Variants in CRAMP1 observed in about 807,000 individuals in gnomAD.
The protein encoded by CRAMP1 is cramped chromatin regulator 1, also known as protein cramped-like.
A neutral mutation model predicts 115.4 loss-of-function variants in CRAMP1; 50 were observed. The observed-to-expected ratio is 0.43, with a 90% CI of 0.35 to 0.55. The LOEUF (loss-of-function observed/expected upper bound fraction) is 0.55. Ranked by LOEUF, CRAMP1 falls within the 20% of genes least tolerant of loss-of-function variation. CRAMP1 has a pLI of 0.01. For synonymous variants in CRAMP1, 866 were observed against 745.4 expected (o/e 1.16, Z -2.64); for missense variants, 1,679 against 1,721.7 (o/e 0.98, Z 0.44).
In CRAMP1 at chr16:1,666,879, G is replaced by C. The variant is rs1045842934; in HGVS notation, c.3036+279G>C. 6.6e-6 allele frequency among the ~76,000 whole-genome samples: 1 copy of C among 152,256 alleles called. No homozygotes were observed. ...TCCATCTGAGAGTGACCATAACCAAGGTGGCAGCCCACAGCGCTGTGCTCG... is the reference window on the plus strand; with the variant it reads ...TCCATCTGAGAGTGACCATAACCAACGTGGCAGCCCACAGCGCTGTGCTCG... On this transcript the variant is annotated intron_variant, in intron 16 of 20. Transcript: ENST00000397412. The surrounding 1 kb of genome is among the most constrained non-coding windows in gnomAD (Gnocchi z 5.0).
At position 1,667,998 on chromosome 16, in the gene CRAMP1, G is replaced by T. The variant is rs1053582606; in HGVS notation, c.3139G>T (p.Ala1047Ser). The change falls in exon 18 of 21, where the codon GCC becomes TCC. Residue 1047 changes from alanine (A) to serine (S), a missense_variant. By Grantham distance (99) the Ala-to-Ser change is moderately conservative (BLOSUM62 1). Coordinates refer to ENST00000397412, the MANE Select transcript of CRAMP1 (RefSeq NM_020825.4). ...TCTCTCCTTATCTGAGCTGCCCAAG[G>T]CCCCTCTCCAGAATGGCCTCTCCAT... is the stretch of plus-strand genomic sequence containing the variant. ...SVLSLSELPKAPLQNGLSIPL... is the reference protein window; with the variant it reads ...SVLSLSELPKSPLQNGLSIPL... 6.2e-7 allele frequency: 1 copy of T among 1,613,286 alleles called. No individual in the cohort carries two copies. The highest frequency in any genetic ancestry group is 8.5e-7 in the Non-Finnish European group (1 of 1,179,640).
In CRAMP1 at chr16:1,672,401, A is replaced by G. The variant is rs1473452847; in HGVS notation, c.3646-1480A>G. On this transcript the variant is annotated intron_variant, in intron 20 of 20. Transcript: ENST00000397412. This position sits in a 1 kb window ranked among gnomAD's most constrained non-coding sequence, Gnocchi z 4.9. Reference sequence around the variant, plus strand: ...GTATGTTTCTCAGCAGGTCCTCGTCATCTGGAAGGATGGGCTGAGGCATTT... The same window carrying G: ...GTATGTTTCTCAGCAGGTCCTCGTCGTCTGGAAGGATGGGCTGAGGCATTT... Among the ~76,000 whole-genome samples, 1 of 151,546 alleles carries G rather than the reference A, an allele frequency of 6.6e-6. No homozygotes were observed. Among genetic ancestry groups the G allele is most frequent in the African/African-American group, 2.4e-5 (1 of 41,230 alleles).
Position 1,665,534 on chromosome 16 carries a change from G to A in CRAMP1, c.2752+396G>A, listed in dbSNP as rs142150825. On this transcript the variant is annotated intron_variant, in intron 14 of 20. Coordinates refer to ENST00000397412, the MANE Select transcript of CRAMP1 (RefSeq NM_020825.4). The stretch of plus-strand genomic sequence containing the variant: ...TTTAGTGGGGGCCTTGGCTCCTTGC[G>A]GTAGATATTACACAGGGAGAAGCCT... Among the ~76,000 whole-genome samples the A allele has an allele frequency of 1.3e-4, 20 of 152,266 alleles. No homozygotes were observed. In the South Asian group the frequency reaches 2.9e-3, roughly 22 times the overall value.
chr16:1,644,602 G>A (rs961240737), intron 6 of CRAMP1, among the ~76,000 whole-genome samples: 1 of 152,200 alleles, frequency 6.6e-6, no homozygotes, highest in East Asian at 1.9e-4. Flanking sequence ...GCGATCAGGG[G>A]CCACACAAAG....
chr16:1,636,146 G>A (rs1457652780), intron 4 of CRAMP1, among the ~76,000 whole-genome samples: 8 of 152,186 alleles, frequency 5.3e-5, no homozygotes, highest in African/African-American at 1.2e-4. Context: ...CGAGGTGGGC[G>A]GATCACCTGA....
rs1596498517 is a variant in CRAMP1, at chr16:1,666,717, AC to A, written c.3036+119del. Reference sequence around the variant, plus strand: ...TCTGCCTTTGGAGGAGAGTCTCTGGACCAGGGGTGCCATGGCATAAGCAAAC... The same window carrying A: ...TCTGCCTTTGGAGGAGAGTCTCTGGACAGGGGTGCCATGGCATAAGCAAAC... On this transcript the variant is annotated intron_variant, in intron 16 of 20. Transcript: ENST00000397412. This position sits in a 1 kb window ranked among gnomAD's most constrained non-coding sequence, Gnocchi z 5.0. The A allele has an allele frequency of 1.2e-5, 12 of 962,134 alleles. No homozygotes were observed. In the East Asian group the frequency reaches 3.1e-4, roughly 25 times the overall value. 59.6% of individuals were successfully genotyped at this position (962,134 alleles called of 1,614,324 possible).
At chr16:1,650,338 G>A (rs1447135727) in intron 6 of CRAMP1, among the ~76,000 whole-genome samples, 1 of 152,186 alleles carries the variant, frequency 6.6e-6, no homozygotes, top group Non-Finnish European at 1.5e-5. Flanking sequence ...CCAAACTGCG[G>A]GAGTCATCTG....
intron 12 of CRAMP1, 22 bp downstream of exon 12, chr16:1,662,693 G>A (rs371060369): frequency 3.0e-5 from 48 of 1,613,758 alleles, no homozygotes; most frequent in Non-Finnish European, 3.9e-5. Flanking sequence ...GGGCCGGGCC[G>A]CCCGCGTGCG....
rs1472030015 is a variant in CRAMP1 at position 1,614,118 on chromosome 16, G to T, written c.-1-521G>T. ...CCGGGAGCCCCGCGCCTTTCGGGGG[G>T]CGGGGAGGGGGTGGGACGAGGGGCT... On this transcript the variant is annotated intron_variant, in intron 1 of 20. Transcript: ENST00000397412. The surrounding 1 kb of genome is among the most constrained non-coding windows in gnomAD (Gnocchi z 4.4). 6.8e-6 allele frequency among the ~76,000 whole-genome samples: 1 copy of T among 148,142 alleles called. No individual in the cohort carries two copies. Among genetic ancestry groups the T allele is most frequent in the Non-Finnish European group, 1.5e-5 (1 of 66,486 alleles).
chr16:1,632,276 C>T lies in CRAMP1; in HGVS notation c.605C>T (p.Pro202Leu), dbSNP rs1284524026. 2 of 1,596,132 alleles carry T rather than the reference C, an allele frequency of 1.3e-6. No individual in the cohort carries two copies. The highest frequency in any genetic ancestry group is 1.1e-5 in the South Asian group (1 of 87,792). ...CTGAAGTACAAGAAGAAAGGCAAGC[C>T]AGCAAGCATGGTGAAGAACAAGGAG... is the stretch of plus-strand genomic sequence containing the variant. ...IALKYKKKGK[P>L]ASMVKNKEQV... is the part of the protein sequence containing the mutation. Residue 202 changes from proline to leucine, a missense_variant, in exon 4 of 21, where the codon CCA becomes CTA. Physicochemically the swap from Pro to Leu is moderately conservative, Grantham distance 98. Around this residue, in one of 8 missense-constraint regions of CRAMP1, gnomAD observed 44 missense variants for 92.4 expected, o/e 0.48. Transcript: ENST00000397412.
intron 13 of CRAMP1, 25 bp downstream of exon 13, chr16:1,662,860 GTGTGGCCTCGTGGC>G: frequency 6.3e-7 from 1 of 1,597,344 alleles, no homozygotes; most frequent in South Asian, 1.1e-5. Context: ...AAGTCTGAAC[GTGTGGCCTCGTGGC>G]TGGGCCAACC....
In CRAMP1 at chr16:1,656,471, A is replaced by G. The variant is rs1216422800; in HGVS notation, c.1714A>G (p.Ile572Val). ...CTACCTAAAGTCCTGTCAGGACCTC[A>G]TTGTCCCCGAGCAGTGCCGCTGTGC... Reference protein sequence around the residue: ...PRYLKSCQDLIVPEQCRCADT... With the variant: ...PRYLKSCQDLVVPEQCRCADT... Residue 572 changes from isoleucine to valine, a missense_variant, in exon 10 of 21, where the codon ATT (isoleucine) becomes GTT (valine). Transcript: ENST00000397412. The surrounding 1 kb of genome is among the most constrained non-coding windows in gnomAD (Gnocchi z 5.6). 1.0e-5 allele frequency: 16 copies of G among 1,580,300 alleles called. No individual in the cohort carries two copies. Among genetic ancestry groups the G allele is most frequent in the Non-Finnish European group, 1.4e-5 (16 of 1,163,944 alleles).
rs1437665881 is a variant in CRAMP1 at position 1,675,113 on chromosome 16, A to C, written c.*1068A>C. ...ATTTGGGACACCCAGGTGAGGGCCC[A>C]GACATCTGGATGTGGTCAGACCTCA... On this transcript the variant is annotated 3_prime_UTR_variant, in exon 21 of 21. Coordinates refer to ENST00000397412, the MANE Select transcript of CRAMP1 (RefSeq NM_020825.4). 6.6e-6 allele frequency: 1 copy of C among 152,268 alleles called. No individual in the cohort carries two copies. Among genetic ancestry groups the C allele is most frequent in the Non-Finnish European group, 1.5e-5 (1 of 68,060 alleles). The allele number at this position is 152,268 out of a possible 1,614,324, so 9.4% of individuals were successfully genotyped here. A position where few individuals can be genotyped will look rare whatever the true frequency, so the allele number is the denominator to read the frequency against.
intron 13 of CRAMP1, among the ~76,000 whole-genome samples, chr16:1,663,102 T>C (rs1186340560): frequency 1.3e-5 from 2 of 152,240 alleles, no homozygotes; most frequent in Non-Finnish European, 2.9e-5. Flanking sequence ...CAGATTGGGA[T>C]GTATTTATGG....
Position 1,614,161 on chromosome 16 carries a change from C to T in CRAMP1, c.-1-478C>T. Among the ~76,000 whole-genome samples, 1 of 148,884 alleles carries T rather than the reference C, an allele frequency of 6.7e-6. No homozygotes were observed. The highest frequency in any genetic ancestry group is 2.0e-4 in the East Asian group (1 of 5,032). The stretch of plus-strand genomic sequence containing the variant: ...GAGGGGCTAGGGCTGGGGCTGCGGC[C>T]CGGCCGGCCGAGGCGGCGCAGGGAG... On this transcript the variant is annotated intron_variant, in intron 1 of 20. Coordinates refer to ENST00000397412, the MANE Select transcript of CRAMP1 (RefSeq NM_020825.4). The surrounding 1 kb of genome is among the most constrained non-coding windows in gnomAD (Gnocchi z 4.4).
At chr16:1,637,688 G>A in intron 4 of CRAMP1, 136 bp from the exon 5 acceptor site, 1 of 443,006 alleles carries the variant, frequency 2.3e-6, no homozygotes, top group Admixed American at 4.2e-5. Context: ...AGTGTCCCCT[G>A]TGGTTGACAG....
At chr16:1,616,788 C>T (rs949217985) in intron 2 of CRAMP1, among the ~76,000 whole-genome samples, 1 of 151,890 alleles carries the variant, frequency 6.6e-6, no homozygotes, top group Non-Finnish European at 1.5e-5. Context: ...CGTGACATAT[C>T]CATTATCCCA....
chr16:1,657,044 A>T, intron 10 of CRAMP1, 52 bp downstream of exon 10: 1 of 1,422,488 alleles, frequency 7.0e-7, no homozygotes, highest in South Asian at 1.4e-5. Flanking sequence ...AGCCAGGCCC[A>T]GCCTTGGAGG....
intron 2 of CRAMP1, among the ~76,000 whole-genome samples, chr16:1,619,989 G>A (rs2036452659): frequency 1.3e-5 from 2 of 152,194 alleles, no homozygotes; most frequent in African/African-American, 4.8e-5. Context: ...TGTCGTATAG[G>A]ATGGAGCGAC....
Sources: gnomAD v4.1 joint callset for allele counts (sites outside exome capture counted in the v4.1 genomes callset) on GRCh38, gnomAD v4.1.1 for gene constraint, gnomAD v4.1.1 regional missense constraint, Gnocchi (gnomAD v3.1) non-coding constraint, MANE v1.5 for transcripts, NCBI Gene and HGNC (gene_info 2026-07-23, HGNC 2026-07-21) for gene names.